Variants in PSD3 observed in about 807,000 individuals in gnomAD.
PSD3 encodes pleckstrin and Sec7 domain containing 3, also known as PH and SEC7 domain-containing protein 3.
PSD3 carries 49 observed loss-of-function variants against 105.5 expected under a neutral mutation model. That is an observed-to-expected ratio of 0.46 (90% CI 0.37 to 0.59). The LOEUF (loss-of-function observed/expected upper bound fraction) is 0.59, where lower values mean the gene tolerates loss of function less well. Among genes scored for constraint, PSD3 ranks in the 20% least tolerant of loss-of-function variants. The pLI is 0.00. For missense variants in PSD3, 1,561 were observed against 1,263.8 expected, an observed-to-expected ratio of 1.24 and a Z score of -3.57; for synonymous variants, 557 against 457.8, an observed-to-expected ratio of 1.22 and a Z score of -2.77.
chr8:18,570,973 TGTCCAC>T (rs1400723484), intron 14 of PSD3, among the ~76,000 whole-genome samples: 1 of 151,876 alleles, frequency 6.6e-6, no homozygotes, highest in Non-Finnish European at 1.5e-5. Flanking sequence ...AGTTCTCCTG[TGTCCAC>T]CTCCCAAGTA....
At position 18,853,495 on chromosome 8, in the gene PSD3, T is replaced by C. The variant is rs184624892; in HGVS notation, c.1634+14179A>G. ...GCCTGTTGAACATCACAACAGAAAC[T>C]TTCCCAGAAAGAAACCGTGAGGCTG... On this transcript the variant is annotated intron_variant, in intron 4 of 15. Coordinates refer to ENST00000327040, the MANE Select transcript of PSD3 (RefSeq NM_015310.4). Among the ~76,000 whole-genome samples, 4 of 152,248 alleles carry C rather than the reference T, an allele frequency of 2.6e-5. No homozygotes were observed. The East Asian group carries it at 7.7e-4, about 29-fold the overall frequency.
Position 18,987,790 on chromosome 8 carries a change from G to C in PSD3, c.21+25773C>G, listed in dbSNP as rs936593216. Among the ~76,000 whole-genome samples, 4 of 151,962 alleles carry C rather than the reference G, an allele frequency of 2.6e-5. 1 individual carries two copies. In the South Asian group the frequency reaches 8.3e-4, roughly 32 times the overall value. On this transcript the variant is annotated intron_variant, in intron 1 of 15. Transcript: ENST00000327040. ...ACTGCATCACTGCACTCCGGCCTAG[G>C]CAACAGAGCAAGACCCTGTCTCAAA...
intron 2 of PSD3, among the ~76,000 whole-genome samples, chr8:18,900,918 C>G (rs1819461991): frequency 1.3e-5 from 2 of 152,128 alleles, no homozygotes; most frequent in Non-Finnish European, 1.5e-5. Flanking sequence ...ATAGCAACAA[C>G]AGGTGGCTTC....
At chr8:18,604,884 G>A (rs1804703755) in intron 11 of PSD3, among the ~76,000 whole-genome samples, 1 of 152,220 alleles carries the variant, frequency 6.6e-6, no homozygotes, top group Middle Eastern at 3.2e-3. Flanking sequence ...TTTTAAGCCT[G>A]TGGCTACAAA....
intron 1 of PSD3, among the ~76,000 whole-genome samples, chr8:18,959,957 C>G (rs1823810597): frequency 6.6e-6 from 1 of 152,192 alleles, no homozygotes; most frequent in African/African-American, 2.4e-5. Flanking sequence ...TCACCTCCTT[C>G]ACTAATATTC....
intron 12 of PSD3, among the ~76,000 whole-genome samples, chr8:18,576,148 C>T (rs1475289002): frequency 6.6e-6 from 1 of 152,078 alleles, no homozygotes; most frequent in Non-Finnish European, 1.5e-5. Context: ...CATACTTCCC[C>T]TCCCTTTCAT....
intron 8 of PSD3, among the ~76,000 whole-genome samples, chr8:18,779,828 AC>A (rs1169421958): frequency 6.6e-6 from 1 of 152,108 alleles, no homozygotes; most frequent in Non-Finnish European, 1.5e-5. Context: ...AATCGTTGAG[AC>A]TACTTTTGTT....
chr8:18,889,531 A>G (rs961787447), intron 2 of PSD3, among the ~76,000 whole-genome samples: 1 of 152,092 alleles, frequency 6.6e-6, no homozygotes, highest in African/African-American at 2.4e-5. Flanking sequence ...AAACTAGCCA[A>G]TCTTAAACTT....
At chr8:19,010,745 C>G (rs550200208) in intron 1 of PSD3, among the ~76,000 whole-genome samples, 1 of 152,214 alleles carries the variant, frequency 6.6e-6, no homozygotes, top group East Asian at 1.9e-4. Context: ...GCACTCCGAA[C>G]AAATGCTCTG....
intron 9 of PSD3, among the ~76,000 whole-genome samples, chr8:18,745,141 A>G (rs994904150): frequency 1.3e-5 from 2 of 152,206 alleles, no homozygotes; most frequent in Non-Finnish European, 2.9e-5. Flanking sequence ...CACTGTCTAC[A>G]TTGTAAAGTT....
At chr8:18,599,114 A>G (rs937059908) in intron 12 of PSD3, among the ~76,000 whole-genome samples, 8 of 152,194 alleles carry the variant, frequency 5.3e-5, no homozygotes, top group Admixed American at 3.9e-4. Context: ...TCATACTGAA[A>G]AAGAAGAACA....
At chr8:19,080,861 A>G (rs1417219456) in intron 1 of PSD3, among the ~76,000 whole-genome samples, 5 of 152,220 alleles carry the variant, frequency 3.3e-5, no homozygotes, top group African/African-American at 9.6e-5. Flanking sequence ...AAGGCTGCTT[A>G]TATACCAAAA....
intron 4 of PSD3, among the ~76,000 whole-genome samples, chr8:18,813,792 T>C (rs577269104): frequency 2.6e-5 from 4 of 152,260 alleles, no homozygotes; most frequent in East Asian, 3.9e-4. Context: ...AAACAGATAA[T>C]AGTATCATAT....
At chr8:18,947,985 C>A (rs182042060) in intron 1 of PSD3, among the ~76,000 whole-genome samples, 1 of 152,284 alleles carries the variant, frequency 6.6e-6, no homozygotes, top group Non-Finnish European at 1.5e-5. Context: ...AGCTGGAGAC[C>A]TTCAATGAAA....
At chr8:18,595,237 C>G (rs192099682) in intron 12 of PSD3, among the ~76,000 whole-genome samples, 5 of 138,630 alleles carry the variant, frequency 3.6e-5, no homozygotes, top group East Asian at 4.3e-4. Flanking sequence ...AAAAAAAACC[C>G]TAAAAGATAC....
At chr8:18,930,436 G>T (rs1821666163) in intron 2 of PSD3, among the ~76,000 whole-genome samples, 1 of 152,174 alleles carries the variant, frequency 6.6e-6, no homozygotes, top group African/African-American at 2.4e-5. Flanking sequence ...AGTGAAACCG[G>T]AGGACAGGCC....
chr8:18,564,495 G>T (rs1302670426), intron 14 of PSD3, among the ~76,000 whole-genome samples: 2 of 152,082 alleles, frequency 1.3e-5, no homozygotes, highest in Non-Finnish European at 2.9e-5. Flanking sequence ...TGGGCATGGT[G>T]GTGCACACCT....
chr8:18,935,528 G>T (rs28650934), intron 2 of PSD3, among the ~76,000 whole-genome samples: 9 of 139,606 alleles, frequency 6.4e-5, no homozygotes, highest in African/African-American at 2.4e-4. Flanking sequence ...AAAAAAAAAA[G>T]AAAAAAAGTA....
rs566161371 is a variant in PSD3, at chr8:19,012,297, A to G, written c.21+1266T>C. Among the ~76,000 whole-genome samples, 381 of 152,250 alleles carry G rather than the reference A, an allele frequency of 2.5e-3. 3 individuals carry two copies. The highest frequency in any genetic ancestry group is 8.8e-3 in the African/African-American group (367 of 41,532). ...AAACTGGTTGAAAAGGTGCTAATTTATTTTGCATTTGCTTAACTGGTGATG... is the reference window on the plus strand; with the variant it reads ...AAACTGGTTGAAAAGGTGCTAATTTGTTTTGCATTTGCTTAACTGGTGATG... On this transcript the variant is annotated intron_variant, in intron 1 of 15. Transcript: ENST00000327040.
Sources: gnomAD v4.1 joint callset for allele counts (sites outside exome capture counted in the v4.1 genomes callset) on GRCh38, gnomAD v4.1.1 for gene constraint, MANE v1.5 for transcripts, NCBI Gene and HGNC (gene_info 2026-07-23, HGNC 2026-07-21) for gene names.